The following MEIG1 variants were observed in gnomAD, a reference collection of about 807,000 sequenced individuals.
MEIG1 encodes meiosis/spermiogenesis associated 1, also known as meiosis expressed gene 1 protein homolog.
A neutral mutation model predicts 11.3 loss-of-function variants in MEIG1; 12 were observed. That is an observed-to-expected ratio of 1.07 (90% CI 0.68 to 1.73). The LOEUF is 1.73. MEIG1 is among the 40% of genes most tolerant of loss of function. The pLI is 0.00. For missense variants in MEIG1, 119 were observed against 104.9 expected (o/e 1.13, Z -0.59); for synonymous variants, 41 against 33.2 (o/e 1.24, Z -0.81).
rs141026495 is a variant in MEIG1 at position 14,985,521 on chromosome 10, A to C, written n.67-1275A>C. On this transcript the variant is annotated intron_variant and non_coding_transcript_variant, in intron 1 of 2. Coordinates refer to the MEIG1 transcript ENST00000467536. Reference sequence around the variant, plus strand: ...TAATGTCACCGGGAGTGTATGTCATACGTATTCAATGCTTGTGATACTATT... The same window carrying C: ...TAATGTCACCGGGAGTGTATGTCATCCGTATTCAATGCTTGTGATACTATT... Among the ~76,000 whole-genome samples the C allele has an allele frequency of 2.0e-5, 3 of 152,052 alleles. No individual in the cohort carries two copies. In the East Asian group the frequency reaches 5.8e-4, roughly 29 times the overall value.
intron 1 of MEIG1, among the ~76,000 whole-genome samples, chr10:14,982,140 C>T (rs959113061): frequency 2.6e-5 from 4 of 152,192 alleles, no homozygotes; most frequent in Non-Finnish European, 4.4e-5. Context: ...TGATAGGCCT[C>T]ACACAGTCTC....
At chr10:14,982,315 G>C (rs1039518448) in intron 1 of MEIG1, among the ~76,000 whole-genome samples, 2 of 152,020 alleles carry the variant, frequency 1.3e-5, no homozygotes, top group African/African-American at 2.4e-5. Context: ...ACTGGTGGTC[G>C]GTTCGTGGTA....
At chr10:14,973,614 C>G (rs1009121347), downstream of MEIG1, among the ~76,000 whole-genome samples, 3 of 151,628 alleles carry the variant, frequency 2.0e-5, no homozygotes, top group African/African-American at 7.3e-5. Context: ...CTAAAAAATA[C>G]AAAAAATTAG....
intron 1 of MEIG1, among the ~76,000 whole-genome samples, chr10:14,978,770 G>A (rs567115222): frequency 3.9e-5 from 6 of 151,916 alleles, no homozygotes; most frequent in South Asian, 2.1e-4. Flanking sequence ...GATATTATTC[G>A]TAATATCCTA....
chr10:14,981,233 C>T (rs1284931069), intron 1 of MEIG1, among the ~76,000 whole-genome samples: 1 of 148,556 alleles, frequency 6.7e-6, no homozygotes, highest in Non-Finnish European at 1.5e-5. Context: ...GGTCTTCTCT[C>T]TTGGCCTGGC....
Position 14,966,528 on chromosome 10 carries a change from G to A in MEIG1, c.60G>A (p.Glu20=), listed in dbSNP as rs1009477872. The A allele has an allele frequency of 6.2e-7, 1 of 1,612,870 alleles. No homozygotes were observed. Among genetic ancestry groups the A allele is most frequent in the Non-Finnish European group, 8.5e-7 (1 of 1,179,460 alleles). The change falls in exon 2 of 3, where the codon GAG becomes GAA. Residue 20 remains glutamate (E), a synonymous_variant. Transcript: ENST00000407572. The part of the protein sequence containing the change: ...SVSHAKKWSE[E]IENLYRFQQA... ...GTCATGCCAAAAAATGGTCAGAAGA[G>A]ATAGAAAATCTGTACAGATTTCAAC... is the stretch of plus-strand genomic sequence containing the variant.
chr10:14,984,802 G>A (rs577365357), intron 1 of MEIG1, among the ~76,000 whole-genome samples: 10 of 152,152 alleles, frequency 6.6e-5, no homozygotes, highest in East Asian at 1.9e-4. Context: ...TGTTACCCCT[G>A]ATGTCACACG....
At chr10:14,957,221 T>C (rs144065254), upstream of MEIG1, among the ~76,000 whole-genome samples, 1 of 152,314 alleles carries the variant, frequency 6.6e-6, no homozygotes, top group East Asian at 1.9e-4. Context: ...GTACACTTTC[T>C]GTCCTCATTT....
upstream of MEIG1, chr10:14,954,523 G>C (rs199714496): frequency 4.3e-6 from 1 of 231,784 alleles, no homozygotes; most frequent in Admixed American, 5.1e-5. Flanking sequence ...TGGGATTACC[G>C]TGAGGGTTGT....
chr10:14,981,038 T>C (rs1336798453), intron 1 of MEIG1, among the ~76,000 whole-genome samples: 2 of 152,232 alleles, frequency 1.3e-5, no homozygotes, highest in South Asian at 4.1e-4. Context: ...GAGTGTTCCA[T>C]GGCGAATGAC....
At chr10:14,987,657 T>C (rs1360165302) in intron 2 of MEIG1, 1 of 388,738 alleles carries the variant, frequency 2.6e-6, no homozygotes, top group African/African-American at 2.1e-5. Context: ...ACATACTACT[T>C]TAGAGAAAAT....
At chr10:14,987,178 C>T in intron 2 of MEIG1, 1 of 953,652 alleles carries the variant, frequency 1.0e-6, no homozygotes, top group Non-Finnish European at 1.6e-6. Context: ...TATGCGACTG[C>T]ATGTCCACAG....
At chr10:14,964,133 T>C (rs1449813873) in intron 1 of MEIG1, among the ~76,000 whole-genome samples, 2 of 150,572 alleles carry the variant, frequency 1.3e-5, no homozygotes, top group African/African-American at 4.9e-5. Flanking sequence ...ATATAAACAC[T>C]ATAATATTTA....
intron 1 of MEIG1, among the ~76,000 whole-genome samples, chr10:14,961,250 G>C (rs1323118740): frequency 6.6e-6 from 1 of 152,154 alleles, no homozygotes; most frequent in Non-Finnish European, 1.5e-5. Flanking sequence ...ACTGAATACT[G>C]AATTCAAAGT....
chr10:14,975,323 C>T (rs951056289), downstream of MEIG1, among the ~76,000 whole-genome samples: 1 of 152,060 alleles, frequency 6.6e-6, no homozygotes, highest in African/African-American at 2.4e-5. Flanking sequence ...ATATGACTCC[C>T]CAGACAGCAG....
intron 2 of MEIG1, among the ~76,000 whole-genome samples, chr10:14,972,173 C>G (rs536232522): frequency 6.6e-6 from 1 of 152,118 alleles, no homozygotes; most frequent in African/African-American, 2.4e-5. Context: ...TACCACCACA[C>G]CCAGCTAATT....
chr10:14,982,262 C>A (rs770248582), intron 1 of MEIG1, among the ~76,000 whole-genome samples: 5 of 152,160 alleles, frequency 3.3e-5, no homozygotes, highest in African/African-American at 1.2e-4. Flanking sequence ...AGCTTCCCTG[C>A]CTCAGTTTAG....
chr10:14,957,267 AG>A (rs1842961139), upstream of MEIG1, among the ~76,000 whole-genome samples: 1 of 152,136 alleles, frequency 6.6e-6, no homozygotes, highest in Non-Finnish European at 1.5e-5. Context: ...TAGCTTGTCC[AG>A]GGTCATGTTG....
downstream of MEIG1, among the ~76,000 whole-genome samples, chr10:14,975,192 C>A (rs1843197669): frequency 6.6e-6 from 1 of 152,122 alleles, no homozygotes; most frequent in Non-Finnish European, 1.5e-5. Context: ...GAAATGTACA[C>A]CCTTTCTGTG....
Sources: gnomAD v4.1 joint callset for allele counts (sites outside exome capture counted in the v4.1 genomes callset) on GRCh38, gnomAD v4.1.1 for gene constraint, MANE v1.5 for transcripts, NCBI Gene and HGNC (gene_info 2026-07-23, HGNC 2026-07-21) for gene names.